Variants in ST3GAL3 observed in about 807,000 individuals in gnomAD.
ST3GAL3 encodes the protein ST3 beta-galactoside alpha-2,3-sialyltransferase 3.
A neutral mutation model predicts 50.1 loss-of-function variants in ST3GAL3; 21 were observed. The observed-to-expected ratio is 0.42, with a 90% CI of 0.30 to 0.60. The LOEUF (loss-of-function observed/expected upper bound fraction) is 0.60, where lower values mean the gene tolerates loss of function less well. ST3GAL3 is among the 20% of genes least tolerant of loss of function. ST3GAL3 has a pLI of 0.19. For missense variants in ST3GAL3, 353 were observed against 489.4 expected (o/e 0.72, Z 2.63); for synonymous variants, 183 against 190.0 (o/e 0.96, Z 0.30).
chr1:43,798,788 G>T (rs989868365), intron 3 of ST3GAL3, among the ~76,000 whole-genome samples: 2 of 152,212 alleles, frequency 1.3e-5, no homozygotes, highest in Admixed American at 6.5e-5. Context: ...CTTCATTTTG[G>T]CCAAGGACTT....
At chr1:43,724,264 G>C (rs1460459997) in intron 1 of ST3GAL3, among the ~76,000 whole-genome samples, 5 of 151,706 alleles carry the variant, frequency 3.3e-5, no homozygotes, top group Non-Finnish European at 7.4e-5. Flanking sequence ...AGTCTGGATT[G>C]CAGTGGTGCA....
chr1:43,728,028 A>T (rs1156812165), intron 1 of ST3GAL3, among the ~76,000 whole-genome samples: 1 of 150,788 alleles, frequency 6.6e-6, no homozygotes, highest in African/African-American at 2.4e-5. Context: ...TTCACCCCTC[A>T]TCCCCATCTA....
At chr1:43,831,006 T>C (rs1220212560) in intron 4 of ST3GAL3, among the ~76,000 whole-genome samples, 3 of 152,240 alleles carry the variant, frequency 2.0e-5, no homozygotes, top group Non-Finnish European at 4.4e-5. Context: ...CAAAGGGCAC[T>C]GTGACCCACA....
intron 1 of ST3GAL3, among the ~76,000 whole-genome samples, chr1:43,722,397 G>A (rs778906265): frequency 5.9e-5 from 9 of 152,148 alleles, no homozygotes; most frequent in African/African-American, 1.2e-4. Context: ...AGGTGGGAAG[G>A]GGCCAGATGT....
intron 2 of ST3GAL3, among the ~76,000 whole-genome samples, chr1:43,742,935 T>TA (rs1453812066): frequency 1.4e-4 from 22 of 152,106 alleles, no homozygotes; most frequent in Non-Finnish European, 2.2e-4. Flanking sequence ...CTGTCTCTAC[T>TA]AAAAATACAA....
chr1:43,728,683 C>G (rs1674164028), intron 1 of ST3GAL3, among the ~76,000 whole-genome samples: 1 of 152,034 alleles, frequency 6.6e-6, no homozygotes, highest in South Asian at 2.1e-4. Context: ...CCCAGGAGGT[C>G]GAGGTTGCAG....
chr1:43,929,561 A>G (rs1365377132), intron 11 of ST3GAL3, among the ~76,000 whole-genome samples: 1 of 152,178 alleles, frequency 6.6e-6, no homozygotes, highest in Non-Finnish European at 1.5e-5. Context: ...TCGGCCTCCC[A>G]AAGTGCTGGG....
chr1:43,909,424 C>T (rs1241689327), intron 9 of ST3GAL3, among the ~76,000 whole-genome samples: 2 of 152,196 alleles, frequency 1.3e-5, no homozygotes, highest in African/African-American at 4.8e-5. Flanking sequence ...CTGAACAGTC[C>T]CTGGCGCTCT....
chr1:43,718,253 G>A (rs942619379), intron 1 of ST3GAL3, among the ~76,000 whole-genome samples: 1 of 141,778 alleles, frequency 7.1e-6, no homozygotes, highest in Non-Finnish European at 1.5e-5. Context: ...GCAGTGGCGC[G>A]ATCTTGGCTC....
chr1:43,877,784 T>C (rs939491054), intron 5 of ST3GAL3, among the ~76,000 whole-genome samples: 1 of 152,186 alleles, frequency 6.6e-6, no homozygotes, highest in Non-Finnish European at 1.5e-5. Context: ...GCAGAGCAGA[T>C]AGTGGTCAGC....
rs115646659 is a variant in ST3GAL3, at chr1:43,736,835, C to T, written c.118+455C>T. On this transcript the variant is annotated intron_variant, in intron 2 of 11. Transcript: ENST00000347631. ...CTCTGTTTTGTTTTCCCTAAAGAAA[C>T]GTTGTCTACTGAATCTTTGTAGCCG... The T allele has an allele frequency of 3.8e-3, 1,014 of 266,398 alleles. 8 individuals are homozygous for T. The highest frequency in any genetic ancestry group is 0.022 in the African/African-American group (945 of 43,920). 16.5% of individuals were successfully genotyped at this position (266,398 alleles called of 1,614,324 possible).
chr1:43,806,205 A>G (rs895594788), intron 3 of ST3GAL3, among the ~76,000 whole-genome samples: 1 of 152,196 alleles, frequency 6.6e-6, no homozygotes, highest in Non-Finnish European at 1.5e-5. Context: ...GAAAAATGTA[A>G]AATTCCTTGT....
intron 2 of ST3GAL3, among the ~76,000 whole-genome samples, chr1:43,779,920 G>T (rs549850225): frequency 6.6e-6 from 1 of 152,040 alleles, no homozygotes; most frequent in Non-Finnish European, 1.5e-5. Flanking sequence ...TTGTCTATCA[G>T]CTTCATTTTC....
chr1:43,808,006 T>C (rs1258262960), intron 3 of ST3GAL3, among the ~76,000 whole-genome samples: 1 of 152,060 alleles, frequency 6.6e-6, no homozygotes, highest in Non-Finnish European at 1.5e-5. Flanking sequence ...CAGCTGGATA[T>C]ACACATGTGG....
intron 2 of ST3GAL3, among the ~76,000 whole-genome samples, chr1:43,761,950 C>CAAAAAAAA (rs67747915): frequency 1.5e-5 from 1 of 68,850 alleles, no homozygotes; most frequent in African/African-American, 9.7e-5. Context: ...CACTCTGTCT[C>CAAAAAAAA]AAAAAAAAAA....
intron 6 of ST3GAL3, 56 bp downstream of exon 6, chr1:43,894,533 T>TC: frequency 6.6e-7 from 1 of 1,511,210 alleles, no homozygotes; most frequent in South Asian, 1.1e-5. Context: ...TGTCTCCCTG[T>TC]CCTTCAGACA....
At chr1:43,725,009 C>T (rs779718801) in intron 1 of ST3GAL3, among the ~76,000 whole-genome samples, 6 of 152,044 alleles carry the variant, frequency 3.9e-5, no homozygotes, top group African/African-American at 4.8e-5. Flanking sequence ...TTCTGTGTTT[C>T]GGTGTCCTCG....
At chr1:43,847,431 C>T (rs1259229206) in intron 5 of ST3GAL3, among the ~76,000 whole-genome samples, 1 of 152,138 alleles carries the variant, frequency 6.6e-6, no homozygotes, top group African/African-American at 2.4e-5. Context: ...TATGCATAAG[C>T]AGTGGAATGT....
chr1:43,748,152 A>G (rs1251945748), intron 2 of ST3GAL3, among the ~76,000 whole-genome samples: 3 of 152,176 alleles, frequency 2.0e-5, no homozygotes, highest in African/African-American at 4.8e-5. Context: ...CTATATAACA[A>G]TATCACACAA....
Sources: gnomAD v4.1 joint callset for allele counts (sites outside exome capture counted in the v4.1 genomes callset) on GRCh38, gnomAD v4.1.1 for gene constraint, MANE v1.5 for transcripts, NCBI Gene and HGNC (gene_info 2026-07-23, HGNC 2026-07-21) for gene names.